Variants in HEATR5A observed in about 807,000 individuals in gnomAD.
The protein encoded by HEATR5A is HEAT repeat containing 5A, also known as HEAT repeat-containing protein 5A.
HEATR5A carries 178 observed loss-of-function variants against 218.8 expected under a neutral mutation model. That is an observed-to-expected ratio of 0.81 (90% CI 0.72 to 0.92). The LOEUF is 0.92. HEATR5A is among the 40% of genes least tolerant of loss of function. The pLI, the probability that HEATR5A is intolerant of heterozygous loss-of-function variation, is 0.00. For missense variants in HEATR5A, 2,420 were observed against 2,418.9 expected, an observed-to-expected ratio of 1.00 and a Z score of -0.01; for synonymous variants, 864 against 871.6, an observed-to-expected ratio of 0.99 and a Z score of 0.15.
chr14:31,369,608 CAAAAAA>C (rs71430951), intron 13 of HEATR5A, among the ~76,000 whole-genome samples: 10 of 45,148 alleles, frequency 2.2e-4, no homozygotes, highest in Admixed American at 1.2e-3. Flanking sequence ...AAAACTGTCT[CAAAAAA>C]AAAAAAAAAA....
At chr14:31,365,136 G>A (rs1468185628) in intron 13 of HEATR5A, among the ~76,000 whole-genome samples, 1 of 152,168 alleles carries the variant, frequency 6.6e-6, no homozygotes, top group East Asian at 1.9e-4. Context: ...GCCTCCCAAA[G>A]TGCTGGGATT....
intron 22 of HEATR5A, among the ~76,000 whole-genome samples, chr14:31,327,811 T>C (rs1044494399): frequency 3.9e-5 from 6 of 152,178 alleles, no homozygotes; most frequent in Non-Finnish European, 8.8e-5. Flanking sequence ...AAAGGGGAAA[T>C]ACTAGCCTTG....
chr14:31,419,774 T>C (rs913974158), intron 1 of HEATR5A, among the ~76,000 whole-genome samples: 2 of 152,200 alleles, frequency 1.3e-5, no homozygotes, highest in African/African-American at 4.8e-5. Flanking sequence ...TTCTAAAGAC[T>C]TTATAATCAC....
Position 31,295,926 on chromosome 14 carries a change from C to G in HEATR5A, c.5602G>C (p.Glu1868Gln). Residue 1868 changes from glutamate (E) to glutamine (Q), a missense_variant, in exon 34 of 36, where the codon GAG (glutamate) becomes CAG (glutamine). Physicochemically the swap from Glu to Gln is conservative, Grantham distance 29 (BLOSUM62 2). Transcript: ENST00000543095. The part of the protein sequence containing the change: ...RCIDKFKATL[E>Q]IKDPVVQIKT... ...ACACTTACCACAGGATCTTTTATCT[C>G]AAGAGTAGCTTTAAATTTATCAATA... 1 of 1,613,592 alleles carries G rather than the reference C, an allele frequency of 6.2e-7. No individual in the cohort carries two copies.
chr14:31,419,277 G>T (rs1446256624), intron 1 of HEATR5A, among the ~76,000 whole-genome samples: 1 of 150,994 alleles, frequency 6.6e-6, no homozygotes, highest in Non-Finnish European at 1.5e-5. Flanking sequence ...CTGCTTATCA[G>T]TGAAGAAAAA....
chr14:31,398,710 G>C lies in HEATR5A; in HGVS notation c.410C>G (p.Thr137Arg), dbSNP rs1170323051. ...CATAGCTTTAAGAATATTCCCCACTGTATCAGTAAAGGTGTTACCCAGTAT... is the reference window on the plus strand; with the variant it reads ...CATAGCTTTAAGAATATTCCCCACTCTATCAGTAAAGGTGTTACCCAGTAT... Reference protein sequence around the residue: ...GRILGNTFTDTVGNILKAMKS... With the variant: ...GRILGNTFTDRVGNILKAMKS... The change falls in exon 4 of 36, where the codon ACA becomes AGA. Residue 137 changes from threonine (T) to arginine (R), a missense_variant. By Grantham distance (71) the Thr-to-Arg change is moderately conservative. Coordinates refer to ENST00000543095, the MANE Select transcript of HEATR5A (RefSeq NM_015473.4). The C allele has an allele frequency of 6.5e-7, 1 of 1,530,098 alleles. No homozygotes were observed. Among genetic ancestry groups the C allele is most frequent in the Non-Finnish European group, 8.8e-7 (1 of 1,141,194 alleles). 94.8% of individuals were successfully genotyped at this position (1,530,098 alleles called of 1,614,324 possible). A position where few individuals can be genotyped will look rare whatever the true frequency, so the allele number is the denominator to read the frequency against.
At chr14:31,402,495 A>G (rs1436115753) in intron 2 of HEATR5A, among the ~76,000 whole-genome samples, 1 of 152,204 alleles carries the variant, frequency 6.6e-6, no homozygotes, top group African/African-American at 2.4e-5. Flanking sequence ...AACTCCCACT[A>G]CATTGTTTAG....
intron 19 of HEATR5A, among the ~76,000 whole-genome samples, 191 bp downstream of exon 19, chr14:31,347,557 C>T (rs1269536269): frequency 6.6e-6 from 1 of 152,186 alleles, no homozygotes; most frequent in African/African-American, 2.4e-5. Context: ...CAGAAAAACA[C>T]ACTGAAATTG....
In HEATR5A at chr14:31,308,048, G is replaced by A. The variant is rs561716152; in HGVS notation, c.4691-28C>T. 4.5e-6 allele frequency: 7 copies of A among 1,567,170 alleles called. No individual in the cohort carries two copies. In the Admixed American group the frequency reaches 1.2e-4, roughly 27 times the overall value. ...GTGGAAAGCAAAAAAAGAGGAGGAGGCTTCTTTCAAATTATTAGTTTATGA... is the reference window on the plus strand; with the variant it reads ...GTGGAAAGCAAAAAAAGAGGAGGAGACTTCTTTCAAATTATTAGTTTATGA... On this transcript the variant is annotated intron_variant, in intron 29 of 35. Transcript: ENST00000543095.
In HEATR5A at chr14:31,346,672, A is replaced by G. The variant is rs56116177; in HGVS notation, c.2868+1076T>C. 2.2e-3 allele frequency among the ~76,000 whole-genome samples: 332 copies of G among 152,340 alleles called. 2 individuals carry two copies. The highest frequency in any genetic ancestry group is 7.3e-3 in the African/African-American group (303 of 41,570). ...TAAAGAAGTTGATTCAAGAAGCAAT[A>G]AGCACTTTGTCAAGCTTTTCTGCAG... On this transcript the variant is annotated intron_variant, in intron 19 of 35. Coordinates refer to ENST00000543095, the MANE Select transcript of HEATR5A (RefSeq NM_015473.4).
chr14:31,407,855 T>C (rs2031136671), intron 1 of HEATR5A, among the ~76,000 whole-genome samples: 1 of 152,142 alleles, frequency 6.6e-6, no homozygotes, highest in South Asian at 2.1e-4. Context: ...CTCGAACTCC[T>C]GAACTCAGGT....
intron 33 of HEATR5A, among the ~76,000 whole-genome samples, chr14:31,301,045 A>G (rs923528713): frequency 2.6e-5 from 4 of 152,174 alleles, no homozygotes; most frequent in Non-Finnish European, 4.4e-5. Context: ...CAGATTCCCA[A>G]CTTTGGGCAA....
intron 1 of HEATR5A, among the ~76,000 whole-genome samples, chr14:31,414,239 T>C (rs942055652): frequency 1.3e-5 from 2 of 152,194 alleles, no homozygotes; most frequent in African/African-American, 4.8e-5. Flanking sequence ...TGAAAGTCAC[T>C]AGCTAGCAAT....
intron 30 of HEATR5A, 121 bp downstream of exon 30, chr14:31,307,772 G>T (rs575814489): frequency 2.8e-6 from 3 of 1,056,590 alleles, no homozygotes; most frequent in African/African-American, 1.6e-5. Flanking sequence ...TAGCTGTGAG[G>T]CTGTATGGTT....
intron 2 of HEATR5A, 39 bp downstream of exon 2, chr14:31,402,811 G>A (rs1166480879): frequency 1.3e-6 from 2 of 1,529,126 alleles, no homozygotes; most frequent in Admixed American, 4.0e-5. Context: ...GTAAACATGG[G>A]CACTTAAACA....
At chr14:31,382,185 TTAAA>T (rs1488632175) in intron 10 of HEATR5A, among the ~76,000 whole-genome samples, 1 of 152,244 alleles carries the variant, frequency 6.6e-6, no homozygotes, top group African/African-American at 2.4e-5. Flanking sequence ...ATAGGTTTAA[TTAAA>T]TACATTGAAT....
At chr14:31,294,312 A>C (rs1899107011) in intron 34 of HEATR5A, among the ~76,000 whole-genome samples, 1 of 152,098 alleles carries the variant, frequency 6.6e-6, no homozygotes, top group South Asian at 2.1e-4. Context: ...CATATAGGTA[A>C]ACAGGGAAGC....
intron 25 of HEATR5A, 97 bp from the exon 26 acceptor site, chr14:31,318,389 A>G (rs1899977093): frequency 1.0e-6 from 1 of 959,580 alleles, no homozygotes; most frequent in African/African-American, 1.6e-5. Flanking sequence ...TATTTATAAC[A>G]GGTATTATGG....
chr14:31,376,260 A>G (rs1284761800), intron 11 of HEATR5A, among the ~76,000 whole-genome samples: 2 of 152,206 alleles, frequency 1.3e-5, no homozygotes, highest in Non-Finnish European at 2.9e-5. Context: ...TCATGCCTGT[A>G]ATCCCAGCAC....
Sources: allele counts gnomAD v4.1 joint callset (sites outside exome capture counted in the v4.1 genomes callset), GRCh38; gene constraint gnomAD v4.1.1; transcripts MANE v1.5; gene names NCBI Gene and HGNC (gene_info 2026-07-23, HGNC 2026-07-21).